COLQ: variants seen among roughly 807,000 people sequenced by gnomAD.
The protein encoded by COLQ is acetylcholinesterase collagenic tail peptide.
A neutral mutation model predicts 69.0 loss-of-function variants in COLQ; 48 were observed. The ratio of observed to expected loss-of-function variants is 0.70; its 90% confidence interval spans 0.55 to 0.88. The LOEUF (loss-of-function observed/expected upper bound fraction) is 0.88. Ranked by LOEUF, COLQ falls within the 40% of genes least tolerant of loss-of-function variation. The pLI is 0.00. For missense variants in COLQ, 618 were observed against 594.6 expected, an observed-to-expected ratio of 1.04 and a Z score of -0.41; for synonymous variants, 217 against 211.2, an observed-to-expected ratio of 1.03 and a Z score of -0.24.
At chr3:15,452,732 G>C (rs1559510445) in intron 16 of COLQ, among the ~76,000 whole-genome samples, 1 of 152,206 alleles carries the variant, frequency 6.6e-6, no homozygotes, top group African/African-American at 2.4e-5. Context: ...ACATGGAGTG[G>C]GGTCCTGGCC....
intron 1 of COLQ, among the ~76,000 whole-genome samples, chr3:15,514,290 C>T (rs1371199467): frequency 6.6e-6 from 1 of 151,978 alleles, no homozygotes; most frequent in Non-Finnish European, 1.5e-5. Context: ...AGAACAGAGG[C>T]TCTTACAGCA....
intron 1 of COLQ, among the ~76,000 whole-genome samples, chr3:15,514,097 G>A (rs1234108301): frequency 6.6e-6 from 1 of 152,174 alleles, no homozygotes; most frequent in African/African-American, 2.4e-5. Context: ...CTCTAGAGCT[G>A]GACAAGGCAG....
chr3:15,521,650 A>C lies in COLQ; in HGVS notation c.-25T>G. On this transcript the variant is annotated 5_prime_UTR_variant, in exon 1 of 17. Transcript: ENST00000383788. ...TGCTGGCCAGGGTCTGGCGAGGGTC[A>C]AGTTAGAAAGGAGGCTGCTGCGGAG... The C allele has an allele frequency of 1.2e-6, 2 of 1,613,928 alleles. No homozygotes were observed. Among genetic ancestry groups the C allele is most frequent in the Non-Finnish European group, 1.7e-6 (2 of 1,179,978 alleles).
chr3:15,465,601 TTTCTAC>T (rs2062187712), intron 12 of COLQ, among the ~76,000 whole-genome samples: 1 of 141,082 alleles, frequency 7.1e-6, no homozygotes, highest in Non-Finnish European at 1.5e-5. Flanking sequence ...TAGTAATTTC[TTTCTAC>T]ATCTTTTTTT....
chr3:15,503,968 C>G (rs17041248), intron 1 of COLQ, among the ~76,000 whole-genome samples: 14,747 of 152,140 alleles, frequency 0.097, 975 homozygotes, highest in East Asian at 0.33. Flanking sequence ...CAATCAAACC[C>G]AATGACTGTT....
chr3:15,471,460 C>T (rs2062286236), intron 10 of COLQ, among the ~76,000 whole-genome samples: 1 of 152,210 alleles, frequency 6.6e-6, no homozygotes, highest in South Asian at 2.1e-4. Flanking sequence ...CTTACTATTT[C>T]TTTGGGTCAG....
rs115874570 is a variant in COLQ at position 15,489,909 on chromosome 3, C to T, written c.107-272G>A. On this transcript the variant is annotated intron_variant, in intron 1 of 16. Coordinates refer to ENST00000383788, the MANE Select transcript of COLQ (RefSeq NM_005677.4). ...TCAATTCTCCTTCCTCAGATACTGACTTGTCACTTTGTAGATGTAGCAGGA... is the reference window on the plus strand; with the variant it reads ...TCAATTCTCCTTCCTCAGATACTGATTTGTCACTTTGTAGATGTAGCAGGA... Among the ~76,000 whole-genome samples the T allele has an allele frequency of 0.02, 3,056 of 152,346 alleles. 50 individuals are homozygous for T. The highest frequency in any genetic ancestry group is 0.037 in the Middle Eastern group (11 of 294).
At chr3:15,521,405 C>T in intron 1 of COLQ, 115 bp downstream of exon 1, 3 of 1,403,710 alleles carry the variant, frequency 2.1e-6, no homozygotes, top group Non-Finnish European at 2.0e-6. Context: ...TCCTTCCAAC[C>T]TCCCTCCACC....
intron 1 of COLQ, among the ~76,000 whole-genome samples, chr3:15,498,014 C>T (rs759419062): frequency 7.2e-5 from 11 of 152,194 alleles, no homozygotes; most frequent in African/African-American, 2.7e-4. Flanking sequence ...AAGGATACAA[C>T]CTACAAAGAA....
At chr3:15,477,484 C>T (rs1012254473) in intron 5 of COLQ, 1 of 425,528 alleles carries the variant, frequency 2.4e-6, no homozygotes. Context: ...ACCCAAAAGT[C>T]CCCTGCGTTC....
chr3:15,455,136 C>T (rs1297014408), intron 15 of COLQ, among the ~76,000 whole-genome samples: 1 of 152,214 alleles, frequency 6.6e-6, no homozygotes, highest in African/African-American at 2.4e-5. Context: ...TGTTAGCTCA[C>T]AGGATCTCTA....
At chr3:15,521,446 A>G (rs2063136179) in intron 1 of COLQ, 74 bp downstream of exon 1, 1 of 1,590,260 alleles carries the variant, frequency 6.3e-7, no homozygotes, top group Non-Finnish European at 8.6e-7. Context: ...ATCAGGACAC[A>G]TTGCAAAACA....
At chr3:15,452,950 C>T (rs937791142) in intron 16 of COLQ, among the ~76,000 whole-genome samples, 2 of 152,314 alleles carry the variant, frequency 1.3e-5, no homozygotes, top group Non-Finnish European at 2.9e-5. Context: ...GGGATGGGAG[C>T]AAAAGCTGAA....
Position 15,509,912 on chromosome 3 carries a change from C to T in COLQ, c.106+11608G>A, listed in dbSNP as rs192888261. ...ATGGGGCTGGGCGCGGTGGCTCACG[C>T]CTGTAATCCCAGCACTTTGGGAGGC... On this transcript the variant is annotated intron_variant, in intron 1 of 16. Coordinates refer to ENST00000383788, the MANE Select transcript of COLQ (RefSeq NM_005677.4). Among the ~76,000 whole-genome samples, 713 of 152,284 alleles carry T rather than the reference C, an allele frequency of 4.7e-3. 4 individuals carry two copies. The highest frequency in any genetic ancestry group is 0.025 in the South Asian group (121 of 4,824).
In COLQ at chr3:15,475,506, G is replaced by A. The variant is rs2062365071; in HGVS notation, c.466-19C>T. 2 of 1,580,146 alleles carry A rather than the reference G, an allele frequency of 1.3e-6. No homozygotes were observed. Among genetic ancestry groups the A allele is most frequent in the Non-Finnish European group, 1.7e-6 (2 of 1,160,378 alleles). The stretch of plus-strand genomic sequence containing the variant: ...TTTCACCCTGTGGGAATTAGAAGAA[G>A]AAAAGACCCACGGTGATATTTTTTA... On this transcript the variant is annotated intron_variant, in intron 6 of 16. Coordinates refer to ENST00000383788, the MANE Select transcript of COLQ (RefSeq NM_005677.4).
At chr3:15,465,830 C>T (rs1288527388) in intron 12 of COLQ, among the ~76,000 whole-genome samples, 1 of 151,910 alleles carries the variant, frequency 6.6e-6, no homozygotes, top group Non-Finnish European at 1.5e-5. Flanking sequence ...GTTTCAAACT[C>T]CTGACCTCAA....
intron 1 of COLQ, chr3:15,507,012 G>A (rs1457265321): frequency 6.6e-6 from 1 of 152,018 alleles, no homozygotes; most frequent in Non-Finnish European, 1.5e-5. Context: ...CGTTGCCTAG[G>A]CTGGTCTCAT....
intron 12 of COLQ, among the ~76,000 whole-genome samples, chr3:15,459,004 A>T (rs2062066814): frequency 6.6e-6 from 1 of 151,674 alleles, no homozygotes; most frequent in African/African-American, 2.4e-5. Flanking sequence ...CCACCACACC[A>T]GGCTAATTTT....
intron 12 of COLQ, among the ~76,000 whole-genome samples, chr3:15,463,301 T>A: frequency 6.6e-6 from 1 of 151,968 alleles, no homozygotes; most frequent in Non-Finnish European, 1.5e-5. Flanking sequence ...ACTCCTCAGT[T>A]TTTTTTGGTT....
Sources: gnomAD v4.1 joint callset for allele counts (sites outside exome capture counted in the v4.1 genomes callset) on GRCh38, gnomAD v4.1.1 for gene constraint, MANE v1.5 for transcripts, NCBI Gene and HGNC (gene_info 2026-07-23, HGNC 2026-07-21) for gene names.